Variants in PARG observed in about 807,000 individuals in gnomAD.
PARG encodes mitochondrial poly(ADP-ribose) glycohydrolase.
In PARG, 35 loss-of-function variants were observed where a neutral mutation model predicts 113.0. That is an observed-to-expected ratio of 0.31 (90% CI 0.24 to 0.41). PARG has a LOEUF of 0.41. Ranked by LOEUF, PARG falls within the 10% of genes least tolerant of loss-of-function variation. PARG has a pLI of 1.00. For missense variants in PARG, 797 were observed against 1,169.4 expected (o/e 0.68, Z 4.64); for synonymous variants, 330 against 409.9 (o/e 0.81, Z 2.36).
chr10:49,923,307 CTTG>C (rs1837986029), intron 4 of PARG, among the ~76,000 whole-genome samples: 1 of 152,000 alleles, frequency 6.6e-6, no homozygotes, highest in Non-Finnish European at 1.5e-5. Context: ...AGCTATTTAT[CTTG>C]TTTTGTTAGA....
intron 7 of PARG, among the ~76,000 whole-genome samples, chr10:49,887,387 C>A (rs1272658809): frequency 6.6e-6 from 1 of 152,046 alleles, no homozygotes; most frequent in Non-Finnish European, 1.5e-5. Context: ...TTTCTGTAAT[C>A]GCCACCAAAA....
chr10:49,910,640 T>C (rs2132812289), intron 7 of PARG, among the ~76,000 whole-genome samples: 1 of 152,270 alleles, frequency 6.6e-6, no homozygotes, highest in Middle Eastern at 3.4e-3. Flanking sequence ...AAACTCAACA[T>C]GGAAAGGAAG....
intron 4 of PARG, among the ~76,000 whole-genome samples, chr10:49,924,999 A>G (rs1838081632): frequency 1.3e-5 from 2 of 152,196 alleles, no homozygotes; most frequent in African/African-American, 2.4e-5. Context: ...CAGTGGCAAC[A>G]TCAGATTCTC....
intron 4 of PARG, among the ~76,000 whole-genome samples, chr10:49,926,430 T>G (rs1838167960): frequency 6.6e-6 from 1 of 152,122 alleles, no homozygotes; most frequent in Non-Finnish European, 1.5e-5. Flanking sequence ...CAAGATGTGT[T>G]GCTCCCTATA....
rs782727717 is a variant in PARG, at chr10:49,843,588, G to A, written c.2398C>T (p.Arg800Cys). ...SEYTGYAETY[R>C]WSRSHEDGSE... Reference sequence around the variant, plus strand: ...CCATCTTCGTGGCTCCGGGACCAACGATATGTCTCAGCATAGCCTGTGTAT... The same window carrying A: ...CCATCTTCGTGGCTCCGGGACCAACAATATGTCTCAGCATAGCCTGTGTAT... Residue 800 changes from arginine to cysteine, a missense_variant, in exon 14 of 18, where the codon CGT becomes TGT. By Grantham distance (180) the Arg-to-Cys change is radical. Around this residue, in one of 5 missense-constraint regions of PARG, gnomAD observed 194 missense variants for 247.1 expected, o/e 0.79. Coordinates refer to ENST00000616448, the MANE Select transcript of PARG (RefSeq NM_003631.5). The A allele has an allele frequency of 1.5e-4, 226 of 1,550,802 alleles. 1 individual carries two copies. The highest frequency in any genetic ancestry group is 1.7e-4 in the Non-Finnish European group (198 of 1,146,338).
rs571766447 is a variant in PARG at position 49,856,950 on chromosome 10, G to A, written c.2353+356C>T. Among the ~76,000 whole-genome samples the A allele has an allele frequency of 6.9e-4, 101 of 146,498 alleles. 1 individual carries two copies. In the South Asian group the frequency reaches 0.02, roughly 29 times the overall value. Reference sequence around the variant, plus strand: ...CTTGAACCTGGGAGGAGGAGGTTTCGGTGAGCCGAGATTGCACCATTGCAC... The same window carrying A: ...CTTGAACCTGGGAGGAGGAGGTTTCAGTGAGCCGAGATTGCACCATTGCAC... On this transcript the variant is annotated intron_variant, in intron 13 of 17. Transcript: ENST00000616448.
At chr10:49,829,885 G>A (rs1844570728) in intron 16 of PARG, among the ~76,000 whole-genome samples, 1 of 151,932 alleles carries the variant, frequency 6.6e-6, no homozygotes. Context: ...TTTAAAGGAA[G>A]CATAATATTT....
intron 6 of PARG, among the ~76,000 whole-genome samples, chr10:49,920,460 A>AAAAAAAAAAAAAAC (rs1837739665): frequency 1.9e-5 from 1 of 53,576 alleles, no homozygotes; most frequent in Non-Finnish European, 3.7e-5. Flanking sequence ...TTAAAAAAAA[A>AAAAAAAAAAAAAAC]AAAATATATA....
At chr10:49,909,101 T>C (rs559891371) in intron 7 of PARG, among the ~76,000 whole-genome samples, 1 of 152,162 alleles carries the variant, frequency 6.6e-6, no homozygotes, top group African/African-American at 2.4e-5. Flanking sequence ...AAGCTACTCA[T>C]AATAGCATGC....
intron 16 of PARG, among the ~76,000 whole-genome samples, chr10:49,832,255 C>A (rs556899055): frequency 6.6e-6 from 1 of 152,194 alleles, no homozygotes. Flanking sequence ...TGCAGCTCTC[C>A]CAGGCTGTGC....
Position 49,920,451 on chromosome 10 carries a change from T to TAAAA in PARG, c.1662+1881_1662+1884dup, listed in dbSNP as rs781928566. ...GATGGAGCAAGACCCAGCCTCAAAT[T>TAAAA]AAAAAAAAAAAAATATATATATATA... On this transcript the variant is annotated intron_variant, in intron 6 of 17. Transcript: ENST00000616448. Among the ~76,000 whole-genome samples, 256 of 39,818 alleles carry TAAAA rather than the reference T, an allele frequency of 6.4e-3. 8 individuals carry two copies. Among genetic ancestry groups the TAAAA allele is most frequent in the Non-Finnish European group, 6.8e-3 (154 of 22,774 alleles). 26.1% of individuals were successfully genotyped at this position (39,818 alleles called of 152,430 possible).
chr10:49,823,063 T>C (rs954902793), intron 16 of PARG, among the ~76,000 whole-genome samples: 1 of 152,102 alleles, frequency 6.6e-6, no homozygotes, highest in African/African-American at 2.4e-5. Context: ...AGAATATAGA[T>C]GAAAGAGTAA....
chr10:49,917,407 T>C (rs1837543901), intron 6 of PARG, among the ~76,000 whole-genome samples: 1 of 148,998 alleles, frequency 6.7e-6, no homozygotes, highest in African/African-American at 2.5e-5. Flanking sequence ...GAGACTCACT[T>C]GAACCAGGGA....
intron 15 of PARG, among the ~76,000 whole-genome samples, chr10:49,838,299 T>C (rs1261834449): frequency 2.0e-5 from 3 of 151,516 alleles, no homozygotes; most frequent in Non-Finnish European, 2.9e-5. Flanking sequence ...GGAGTAGTGG[T>C]GCATGCCTGT....
rs2132329976 is a variant in PARG at position 49,819,193 on chromosome 10, C to T, written c.*147G>A. Reference sequence around the variant, plus strand: ...TTAGATGTACCAACTGACAACTGCACATGTGTGGAAGAGATTGCGTCCTTG... The same window carrying T: ...TTAGATGTACCAACTGACAACTGCATATGTGTGGAAGAGATTGCGTCCTTG... On this transcript the variant is annotated 3_prime_UTR_variant, in exon 18 of 18. Transcript: ENST00000616448. 3.3e-6 allele frequency: 2 copies of T among 606,092 alleles called. No individual in the cohort carries two copies. The highest frequency in any genetic ancestry group is 6.6e-5 in the Admixed American group (2 of 30,360). 37.5% of individuals were successfully genotyped at this position (606,092 alleles called of 1,614,324 possible). A position where few individuals can be genotyped will look rare whatever the true frequency, so the allele number is the denominator to read the frequency against.
chr10:49,835,481 G>C (rs1210529257), intron 15 of PARG, among the ~76,000 whole-genome samples: 1 of 152,062 alleles, frequency 6.6e-6, no homozygotes, highest in Non-Finnish European at 1.5e-5. Flanking sequence ...AGTTTTGATG[G>C]GAAGGGAAGA....
At chr10:49,827,788 CTTAT>C (rs34194141) in intron 16 of PARG, among the ~76,000 whole-genome samples, 43,950 of 151,716 alleles carry the variant, frequency 0.29, 6,564 homozygotes, top group Non-Finnish European at 0.32. Context: ...AAGAGTAAGT[CTTAT>C]TTATACCTTT....
intron 6 of PARG, 132 bp downstream of exon 6, chr10:49,922,204 C>A (rs1191766271): frequency 1.9e-5 from 16 of 861,028 alleles, no homozygotes; most frequent in South Asian, 1.6e-4. Context: ...CTCTAAGGGG[C>A]CTTCCTTAGT....
At chr10:49,843,691 T>G (rs1353725295) in intron 13 of PARG, 59 bp from the exon 14 acceptor site, 44 of 1,110,826 alleles carry the variant, frequency 4.0e-5, no homozygotes, top group Non-Finnish European at 4.7e-5. Flanking sequence ...CATTCCACCT[T>G]TCATAACATG....
Sources: gnomAD v4.1 joint callset for allele counts (sites outside exome capture counted in the v4.1 genomes callset) on GRCh38, gnomAD v4.1.1 for gene constraint, gnomAD v4.1.1 regional missense constraint, MANE v1.5 for transcripts, NCBI Gene and HGNC (gene_info 2026-07-23, HGNC 2026-07-21) for gene names.